Variants in COL4A5 observed in about 807,000 individuals in gnomAD.
The protein encoded by COL4A5 is collagen type IV alpha 5 chain.
COL4A5 carries 26 observed loss-of-function variants against 130.2 expected under a neutral mutation model. The observed-to-expected ratio is 0.20, with a 90% CI of 0.15 to 0.28. The LOEUF (loss-of-function observed/expected upper bound fraction) is 0.28. Among genes scored for constraint, COL4A5 ranks in the 10% least tolerant of loss-of-function variants. The pLI is 1.00. For synonymous variants in COL4A5, 496 were observed against 439.6 expected (o/e 1.13, Z -1.60); for missense variants, 1,131 against 1,344.3 (o/e 0.84, Z 2.48).
At chrX:108,630,334 C>T (rs1386919922) in intron 36 of COL4A5, among the ~76,000 whole-genome samples, 1 of 111,533 alleles carries the variant, frequency 9.0e-6, no homozygotes, top group Admixed American at 9.5e-5. Context: ...TTCCTGACTT[C>T]TTAATGATCA....
intron 43 of COL4A5, among the ~76,000 whole-genome samples, chrX:108,675,569 T>C: frequency 9.0e-6 from 1 of 111,563 alleles, no homozygotes; most frequent in Non-Finnish European, 1.9e-5. Flanking sequence ...TTCGTTATGA[T>C]TGAGAAGGGA....
intron 1 of COL4A5, among the ~76,000 whole-genome samples, chrX:108,490,882 A>G (rs2064987331): frequency 9.0e-6 from 1 of 111,653 alleles, no homozygotes; most frequent in South Asian, 3.8e-4. Context: ...GCTCCCACTT[A>G]TAAGTGAGAA....
At chrX:108,642,311 G>A (rs2067484517) in intron 36 of COL4A5, among the ~76,000 whole-genome samples, 1 of 110,613 alleles carries the variant, frequency 9.0e-6, no homozygotes, top group Admixed American at 9.6e-5. Context: ...CACCCTAGTA[G>A]CTGAAAACAA....
intron 52 of COL4A5, chrX:108,695,691 G>A: frequency 5.5e-6 from 2 of 360,378 alleles, no homozygotes; most frequent in Non-Finnish European, 9.8e-6. Context: ...ATAAAGAAAG[G>A]TTATGTGACC....
intron 2 of COL4A5, among the ~76,000 whole-genome samples, chrX:108,553,326 G>T (rs762843544): frequency 1.7e-3 from 193 of 111,584 alleles, no homozygotes; most frequent in African/African-American, 6.2e-3. Flanking sequence ...AATAATATTT[G>T]CAAATTACAT....
At chrX:108,473,633 A>ATATATATATATATATTTTTTTTTT in intron 1 of COL4A5, among the ~76,000 whole-genome samples, 4 of 34,563 alleles carry the variant, frequency 1.2e-4, no homozygotes, top group African/African-American at 4.3e-4. Flanking sequence ...ATATATATAT[A>ATATATATATATATATTTTTTTTTT]TTTTTTTTTT....
intron 19 of COL4A5, 24 bp downstream of exon 19, chrX:108,586,771 C>T: frequency 8.3e-7 from 1 of 1,198,907 alleles, no homozygotes; most frequent in South Asian, 1.8e-5. Context: ...CATTTATGGC[C>T]TTGTTCTTAT....
rs762022225 is a variant in COL4A5, at chrX:108,603,257, CA to C, written c.2244+216del. Among the ~76,000 whole-genome samples, 483 of 43,260 alleles carry C rather than the reference CA, an allele frequency of 0.011. 1 individual carries two copies. The highest frequency in any genetic ancestry group is 0.011 in the Admixed American group (36 of 3,345). The allele number at this position is 43,260 out of a possible 115,157, so 37.6% of individuals were successfully genotyped here. On this transcript the variant is annotated intron_variant, in intron 28 of 52. Coordinates refer to ENST00000328300, the MANE Select transcript of COL4A5 (RefSeq NM_033380.3). The stretch of plus-strand genomic sequence containing the variant: ...TAATAGTCCAAGGTCACATTTGGAG[CA>C]AAAAAAAAAAAAAAAAAAACCTAAT...
intron 1 of COL4A5, among the ~76,000 whole-genome samples, chrX:108,496,085 C>T (rs982654262): frequency 1.2e-4 from 13 of 112,218 alleles, no homozygotes; most frequent in African/African-American, 3.9e-4. Context: ...CTTTGCAGTG[C>T]TTCTCCCAAA....
rs759374411 is a variant in COL4A5, at chrX:108,578,971, C to G, written c.780+588C>G. ...GGGATTTCAGGCATAAGCCACCATG[C>G]CTGGCCAAGATCATTAAATTTTCAA... is the stretch of plus-strand genomic sequence containing the variant. On this transcript the variant is annotated intron_variant, in intron 13 of 52. Coordinates refer to ENST00000328300, the MANE Select transcript of COL4A5 (RefSeq NM_033380.3). 5.4e-5 allele frequency among the ~76,000 whole-genome samples: 6 copies of G among 111,664 alleles called. No individual in the cohort carries two copies. The Admixed American group carries it at 5.7e-4, about 11-fold the overall frequency.
rs921889119 is a variant in COL4A5 at position 108,692,758 on chromosome X, C to A, written c.4539C>A (p.Gly1513=). 8 of 1,209,136 alleles carry A rather than the reference C, an allele frequency of 6.6e-6. No homozygotes were observed. The African/African-American group carries it at 1.4e-4, about 21-fold the overall frequency. ...RAHGQDLGTA[G]SCLRRFSTMP... The stretch of plus-strand genomic sequence containing the variant: ...TCCAAATCTTTCTAGGGACGGCTGG[C>A]AGCTGCCTTCGTCGCTTTAGTACCA... The change falls in exon 50 of 53, where the codon GGC becomes GGA. Residue 1513 remains glycine, a synonymous_variant. Transcript: ENST00000328300.
At chrX:108,601,029 T>C (rs751322440) in intron 25 of COL4A5, among the ~76,000 whole-genome samples, 1 of 111,713 alleles carries the variant, frequency 9.0e-6, no homozygotes, top group East Asian at 2.8e-4. Context: ...ATCATCCTTA[T>C]TCGTTTCACT....
chrX:108,671,493 T>G (rs1056828161), intron 42 of COL4A5, among the ~76,000 whole-genome samples: 1 of 112,159 alleles, frequency 8.9e-6, no homozygotes, highest in African/African-American at 3.2e-5. Context: ...GTTTTACCTA[T>G]GTCGAGGAGA....
At chrX:108,577,872 A>C in intron 10 of COL4A5, 80 bp from the exon 11 acceptor site, 1 of 830,044 alleles carries the variant, frequency 1.2e-6, no homozygotes, top group African/African-American at 2.1e-5. Flanking sequence ...TTCACACCTT[A>C]CTCTTTCTGA....
intron 29 of COL4A5, among the ~76,000 whole-genome samples, chrX:108,612,260 G>T (rs933238799): frequency 1.8e-5 from 2 of 110,727 alleles, no homozygotes; most frequent in African/African-American, 6.5e-5. Flanking sequence ...CATATTTGAT[G>T]GTATGAAAAG....
intron 49 of COL4A5, among the ~76,000 whole-genome samples, chrX:108,688,308 G>A (rs761748491): frequency 9.9e-5 from 11 of 111,426 alleles, no homozygotes; most frequent in African/African-American, 3.6e-4. Flanking sequence ...TAGGTTGATG[G>A]GATGAGGGGA....
intron 1 of COL4A5, among the ~76,000 whole-genome samples, chrX:108,507,526 C>T (rs1014821100): frequency 5.4e-5 from 6 of 111,842 alleles, no homozygotes; most frequent in East Asian, 5.7e-4. Flanking sequence ...CTCAACATTC[C>T]GGCCGGGCAT....
chrX:108,550,796 C>G (rs1296641523), intron 2 of COL4A5, among the ~76,000 whole-genome samples: 4 of 111,668 alleles, frequency 3.6e-5, no homozygotes, highest in African/African-American at 1.3e-4. Context: ...TGCTAAAATA[C>G]TCTTAAAACT....
At chrX:108,668,018 CT>C (rs984911610) in intron 40 of COL4A5, among the ~76,000 whole-genome samples, 22 of 111,577 alleles carry the variant, frequency 2.0e-4, no homozygotes, top group African/African-American at 5.9e-4. Flanking sequence ...ATACTTTATA[CT>C]TTTTTTCCTC....
Sources: allele counts gnomAD v4.1 joint callset (sites outside exome capture counted in the v4.1 genomes callset), GRCh38; gene constraint gnomAD v4.1.1; transcripts MANE v1.5; gene names NCBI Gene and HGNC (gene_info 2026-07-23, HGNC 2026-07-21).